PADI6: variants seen among roughly 807,000 people sequenced by gnomAD.
PADI6 encodes the protein peptidyl arginine deiminase 6.
PADI6 carries 66 observed loss-of-function variants against 78.2 expected under a neutral mutation model. The ratio of observed to expected loss-of-function variants is 0.84; its 90% confidence interval spans 0.69 to 1.04. The LOEUF is 1.04. Among genes scored for constraint, PADI6 ranks in the 50% least tolerant of loss-of-function variants. The pLI, the probability that PADI6 is intolerant of heterozygous loss-of-function variation, is 0.00. For synonymous variants in PADI6, 397 were observed against 346.9 expected (o/e 1.14, Z -1.60); for missense variants, 854 against 866.1 (o/e 0.99, Z 0.18).
chr1:17,386,950 A>G (rs1213956614), intron 6 of PADI6, among the ~76,000 whole-genome samples: 1 of 152,226 alleles, frequency 6.6e-6, no homozygotes, highest in African/African-American at 2.4e-5. Context: ...AGGATGCTAC[A>G]GTTCCTGGAT....
intron 14 of PADI6, 38 bp downstream of exon 14, chr1:17,397,179 G>C: frequency 6.2e-7 from 1 of 1,606,338 alleles, no homozygotes; most frequent in Non-Finnish European, 8.5e-7. Context: ...CCAAGAAAGA[G>C]CTGGTGCCGC....
chr1:17,399,998 G>A (rs906674877), intron 15 of PADI6, among the ~76,000 whole-genome samples: 2 of 151,830 alleles, frequency 1.3e-5, no homozygotes, highest in Non-Finnish European at 2.9e-5. Context: ...TTGCACCACT[G>A]GACTCCAGCC....
At chr1:17,381,673 C>CTG (rs1317296977) in intron 5 of PADI6, among the ~76,000 whole-genome samples, 4 of 152,018 alleles carry the variant, frequency 2.6e-5, no homozygotes, top group Non-Finnish European at 4.4e-5. Flanking sequence ...GGAAACAAGA[C>CTG]TGGAAACAAG....
At chr1:17,391,708 T>TG (rs1030139815) in intron 8 of PADI6, among the ~76,000 whole-genome samples, 39 of 152,254 alleles carry the variant, frequency 2.6e-4, no homozygotes, top group Admixed American at 1.2e-3. Context: ...CCAGCTACTG[T>TG]GGGGGGCCGA....
At chr1:17,392,310 T>C (rs2075194727) in intron 9 of PADI6, 85 bp downstream of exon 9, 1 of 1,029,236 alleles carries the variant, frequency 9.7e-7, no homozygotes, top group East Asian at 2.6e-5. Context: ...CACAGGCTTC[T>C]GGTTAACCTT....
At position 17,382,106 on chromosome 1, in the gene PADI6, T is replaced by G. The variant is rs749837509; in HGVS notation, c.679+14T>G. 2.5e-6 allele frequency: 4 copies of G among 1,612,702 alleles called. No individual in the cohort carries two copies. In the African/African-American group the frequency reaches 4.0e-5, roughly 16 times the overall value. On this transcript the variant is annotated intron_variant, in intron 6 of 15. Transcript: ENST00000619609. ...ACTGGCCCCAAAGTGAGTGTTCTTGTGCCAGCTCCAGCTTTGCCTGCTCTC... is the reference window on the plus strand; with the variant it reads ...ACTGGCCCCAAAGTGAGTGTTCTTGGGCCAGCTCCAGCTTTGCCTGCTCTC...
chr1:17,381,133 C>A lies in PADI6; in HGVS notation c.522C>A (p.Asp174Glu). The A allele has an allele frequency of 6.2e-7, 1 of 1,607,486 alleles. No homozygotes were observed. The highest frequency in any genetic ancestry group is 8.5e-7 in the Non-Finnish European group (1 of 1,177,106). The change falls in exon 5 of 16, where the codon GAC becomes GAA. Residue 174 changes from aspartate to glutamate, a missense_variant. Coordinates refer to ENST00000619609, the MANE Select transcript of PADI6 (RefSeq NM_207421.4). ...NPADVGQQLE[D>E]KKTKKVIFSE... Reference sequence around the variant, plus strand: ...CTGATGTGGGCCAGCAACTTGAGGACAAGAAAACCAAGAAAGTGATCTTTT... The same window carrying A: ...CTGATGTGGGCCAGCAACTTGAGGAAAAGAAAACCAAGAAAGTGATCTTTT...
At chr1:17,398,654 GCCCCCCC>G (rs397957287) in intron 14 of PADI6, 25 bp from the exon 15 acceptor site, 3 of 177,768 alleles carry the variant, frequency 1.7e-5, no homozygotes, top group Admixed American at 6.4e-5. Context: ...TTGCTCCCCC[GCCCCCCC>G]CCCCACCCAC....
chr1:17,400,235 TG>T (rs1265316359), intron 15 of PADI6, among the ~76,000 whole-genome samples: 1 of 149,106 alleles, frequency 6.7e-6, no homozygotes, highest in Non-Finnish European at 1.5e-5. Context: ...ATTCTGGGGC[TG>T]GGCGTGGTGT....
At chr1:17,385,786 C>CA (rs2075113462) in intron 6 of PADI6, among the ~76,000 whole-genome samples, 1 of 152,110 alleles carries the variant, frequency 6.6e-6, no homozygotes, top group Non-Finnish European at 1.5e-5. Context: ...GCCAGCACTT[C>CA]ACAGGAACTG....
At chr1:17,384,023 A>G (rs144657756) in intron 6 of PADI6, among the ~76,000 whole-genome samples, 43 of 151,492 alleles carry the variant, frequency 2.8e-4, no homozygotes, top group African/African-American at 9.2e-4. Flanking sequence ...TGTGGCATAT[A>G]CCTATAATCC....
chr1:17,399,215 A>G (rs1228480117), intron 15 of PADI6, among the ~76,000 whole-genome samples: 1 of 152,212 alleles, frequency 6.6e-6, no homozygotes, highest in Non-Finnish European at 1.5e-5. Context: ...CGAGGCCTTG[A>G]GCAACCTACC....
chr1:17,395,611 T>C lies in PADI6; in HGVS notation c.1566T>C (p.Tyr522=). 2 of 1,605,084 alleles carry C rather than the reference T, an allele frequency of 1.2e-6. No individual in the cohort carries two copies. Among genetic ancestry groups the C allele is most frequent in the Non-Finnish European group, 1.7e-6 (2 of 1,175,912 alleles). ...KLFREKQKEG[Y]GDALLFDELR... ...TCCGAGAGAAACAGAAGGAAGGCTA[T>C]GGCGACGCTCTTCTGTTTGATGAGC... The change falls in exon 13 of 16, where the codon TAT becomes TAC. Residue 522 remains tyrosine (Y), a synonymous_variant. Coordinates refer to ENST00000619609, the MANE Select transcript of PADI6 (RefSeq NM_207421.4).
At chr1:17,374,103 A>G (rs1054204091) in intron 2 of PADI6, among the ~76,000 whole-genome samples, 5 of 152,112 alleles carry the variant, frequency 3.3e-5, no homozygotes, top group Admixed American at 6.5e-5. Context: ...CCTCAGGGCT[A>G]GGATCCTGGC....
At chr1:17,396,985 T>G (rs1160037561) in intron 13 of PADI6, 86 bp from the exon 14 acceptor site, 1 of 1,279,046 alleles carries the variant, frequency 7.8e-7, no homozygotes, top group African/African-American at 1.5e-5. Context: ...TGCACCCAGG[T>G]GGCTGGGCCT....
At chr1:17,396,157 G>A (rs547421001) in intron 13 of PADI6, among the ~76,000 whole-genome samples, 4 of 152,110 alleles carry the variant, frequency 2.6e-5, no homozygotes, top group South Asian at 4.2e-4. Context: ...AGGCTGAGGC[G>A]GGCAGATCAC....
At chr1:17,395,466 G>T in intron 12 of PADI6, 74 bp from the exon 13 acceptor site, 1 of 1,516,770 alleles carries the variant, frequency 6.6e-7, no homozygotes, top group Non-Finnish European at 8.9e-7. Context: ...GGCCTCCAAA[G>T]TGCTGGGATT....
At position 17,394,035 on chromosome 1, in the gene PADI6, A is replaced by C; in HGVS notation, c.1135A>C (p.Thr379Pro). Reference sequence around the variant, plus strand: ...CAAGACAACGTCCTTGATCCTCGACACACCTCAGGCCGCCGATCTCGATGA... The same window carrying C: ...CAAGACAACGTCCTTGATCCTCGACCCACCTCAGGCCGCCGATCTCGATGA... Reference protein sequence around the residue: ...PHKTTSLILDTPQAADLDEFP... With the variant: ...PHKTTSLILDPPQAADLDEFP... Residue 379 changes from threonine (T) to proline (P), a missense_variant, in exon 10 of 16, where the codon ACA becomes CCA. By Grantham distance (38) the Thr-to-Pro change is conservative (BLOSUM62 -1). Transcript: ENST00000619609. 1 of 1,613,884 alleles carries C rather than the reference A, an allele frequency of 6.2e-7. No individual in the cohort carries two copies.
chr1:17,372,739 G>C (rs1204871), intron 1 of PADI6, among the ~76,000 whole-genome samples: 43,151 of 152,024 alleles, frequency 0.28, 7,246 homozygotes, highest in African/African-American at 0.47. Flanking sequence ...TTCCTGAGTC[G>C]CTTGCCCTGA....
Sources: gnomAD v4.1 joint callset for allele counts (sites outside exome capture counted in the v4.1 genomes callset) on GRCh38, gnomAD v4.1.1 for gene constraint, MANE v1.5 for transcripts, NCBI Gene and HGNC (gene_info 2026-07-23, HGNC 2026-07-21) for gene names.